The following PTPRG variants were observed in gnomAD, a reference collection of about 807,000 sequenced individuals.
The protein encoded by PTPRG is receptor-type tyrosine-protein phosphatase gamma.
Under a neutral mutation model 165.3 loss-of-function variants are expected in PTPRG, and 102 were observed. That is an observed-to-expected ratio of 0.62 (90% confidence interval 0.53 to 0.73). The LOEUF (loss-of-function observed/expected upper bound fraction) is 0.73, where lower values mean the gene tolerates loss of function less well. PTPRG is among the 30% of genes least tolerant of loss of function. PTPRG has a pLI of 0.00. For synonymous variants in PTPRG, 675 were observed against 669.5 expected, an observed-to-expected ratio of 1.01 and a Z score of -0.13; for missense variants, 1,866 against 1,861.4, an observed-to-expected ratio of 1.00 and a Z score of -0.05.
rs564761041 is a variant in PTPRG, at chr3:62,166,197, C to CTTTTTTT, written c.841-1744_841-1738dup. Among the ~76,000 whole-genome samples the CTTTTTTT allele has an allele frequency of 1.9e-3, 101 of 53,930 alleles. 31 individuals are homozygous for CTTTTTTT. Among genetic ancestry groups the CTTTTTTT allele is most frequent in the Non-Finnish European group, 2.6e-3 (77 of 29,508 alleles). 35.4% of individuals were successfully genotyped at this position (53,930 alleles called of 152,430 possible). ...TGGCTGCATATTTCAAATTACAGTTCTTTTTTTTTTTTTTTTTTTTTTTTT... is the reference window on the plus strand; with the variant it reads ...TGGCTGCATATTTCAAATTACAGTTCTTTTTTTTTTTTTTTTTTTTTTTTTTTTTTTT... On this transcript the variant is annotated intron_variant, in intron 7 of 29. Coordinates refer to ENST00000474889, the MANE Select transcript of PTPRG (RefSeq NM_002841.4).
chr3:62,275,742 C>A, intron 23 of PTPRG, 131 bp from the exon 24 acceptor site: 1 of 652,672 alleles, frequency 1.5e-6, no homozygotes, highest in South Asian at 2.0e-5. Context: ...GACCCTGTGT[C>A]TTAAAAGGTT....
chr3:62,293,077 A>G (rs1702957510), intron 29 of PTPRG, 84 bp from the exon 30 acceptor site: 1 of 1,214,206 alleles, frequency 8.2e-7, no homozygotes, highest in Non-Finnish European at 1.1e-6. Flanking sequence ...GTTTTTCACA[A>G]TTACCATTTT....
chr3:61,610,613 C>G (rs1431981803), intron 1 of PTPRG, among the ~76,000 whole-genome samples: 4 of 152,164 alleles, frequency 2.6e-5, no homozygotes, highest in Admixed American at 2.0e-4. Flanking sequence ...CTTAAGAGCT[C>G]AACACTAATG....
intron 2 of PTPRG, among the ~76,000 whole-genome samples, chr3:61,894,476 G>A (rs1405336180): frequency 2.0e-5 from 3 of 152,090 alleles, no homozygotes; most frequent in Non-Finnish European, 4.4e-5. Flanking sequence ...GAGTTCATTA[G>A]TAATAACAAA....
intron 2 of PTPRG, among the ~76,000 whole-genome samples, chr3:61,930,930 A>G (rs1407166171): frequency 6.6e-6 from 1 of 152,138 alleles, no homozygotes; most frequent in Non-Finnish European, 1.5e-5. Flanking sequence ...TTAGCCGGGC[A>G]TGGTGGCGCA....
intron 16 of PTPRG, among the ~76,000 whole-genome samples, chr3:62,260,040 C>T (rs974244361): frequency 1.2e-4 from 19 of 152,032 alleles, no homozygotes; most frequent in Non-Finnish European, 4.4e-5. Flanking sequence ...CAATTTATAC[C>T]CTGAGCAGGA....
chr3:62,030,051 T>A (rs1430937160), intron 4 of PTPRG, among the ~76,000 whole-genome samples: 1 of 152,202 alleles, frequency 6.6e-6, no homozygotes, highest in Admixed American at 6.5e-5. Flanking sequence ...TTTGCCTCTA[T>A]CATTTGTGTA....
chr3:62,234,619 A>T (rs1319695067), intron 14 of PTPRG, among the ~76,000 whole-genome samples: 1 of 152,080 alleles, frequency 6.6e-6, no homozygotes, highest in Non-Finnish European at 1.5e-5. Context: ...AACTGTTTAT[A>T]TCTTTTGCTT....
At position 62,203,405 on chromosome 3, in the gene PTPRG, G is replaced by A. The variant is rs372963270; in HGVS notation, c.1610G>A (p.Arg537His). 44 of 1,612,010 alleles carry A rather than the reference G, an allele frequency of 2.7e-5. No homozygotes were observed. The highest frequency in any genetic ancestry group is 5.3e-5 in the African/African-American group (4 of 74,850). Residue 537 changes from arginine to histidine, a missense_variant, in exon 12 of 30, where the codon CGC becomes CAC. Physicochemically the swap from Arg to His is conservative, Grantham distance 29. This residue lies in a region of PTPRG where 1,452 missense variants were observed against 1,463.0 expected (regional missense o/e 0.99). Transcript: ENST00000474889. The surrounding 1 kb of genome is among the most constrained non-coding windows in gnomAD (Gnocchi z 6.4). ...SSFPSTVWPT[R>H]LPTAASASKQ... ...TTCCCCAGCACTGTGTGGCCCACGCGCCTCCCGACGGCCGCCTCAGCCAGC... is the reference window on the plus strand; with the variant it reads ...TTCCCCAGCACTGTGTGGCCCACGCACCTCCCGACGGCCGCCTCAGCCAGC...
chr3:61,670,769 G>T (rs1370605206), intron 1 of PTPRG, among the ~76,000 whole-genome samples: 3 of 152,192 alleles, frequency 2.0e-5, no homozygotes, highest in Admixed American at 6.5e-5. Flanking sequence ...TGTCATGGTT[G>T]AGTCTGCTGT....
intron 1 of PTPRG, among the ~76,000 whole-genome samples, chr3:61,717,583 C>T (rs1001841490): frequency 5.5e-4 from 84 of 151,780 alleles, no homozygotes; most frequent in African/African-American, 1.9e-3. Flanking sequence ...GTCAAGAGAT[C>T]GAGACCATCC....
rs564628401 is a variant in PTPRG, at chr3:61,691,750, T to G, written c.86-57128T>G. Among the ~76,000 whole-genome samples the G allele has an allele frequency of 2.6e-5, 4 of 152,356 alleles. No homozygotes were observed. The East Asian group carries it at 7.7e-4, about 29-fold the overall frequency. On this transcript the variant is annotated intron_variant, in intron 1 of 29. Transcript: ENST00000474889. Reference sequence around the variant, plus strand: ...ACAGTGCTTTCCCTGGGGCCACCATTTTGGTTCTCACCAAGAACAGATGGT... The same window carrying G: ...ACAGTGCTTTCCCTGGGGCCACCATGTTGGTTCTCACCAAGAACAGATGGT...
intron 2 of PTPRG, among the ~76,000 whole-genome samples, chr3:61,765,299 G>A (rs562515872): frequency 7.9e-5 from 12 of 152,298 alleles, no homozygotes; most frequent in Non-Finnish European, 1.3e-4. Context: ...ACTTCTGGTC[G>A]TGGTGAAAAG....
chr3:61,889,938 A>T (rs1455418705), intron 2 of PTPRG, among the ~76,000 whole-genome samples: 1 of 152,218 alleles, frequency 6.6e-6, no homozygotes, highest in Admixed American at 6.5e-5. Flanking sequence ...AGAGAAACGG[A>T]TGATGGGGGG....
At chr3:61,819,214 C>T (rs1033157875) in intron 2 of PTPRG, among the ~76,000 whole-genome samples, 2 of 152,086 alleles carry the variant, frequency 1.3e-5, no homozygotes, top group East Asian at 1.9e-4. Context: ...TGGTCTTCAA[C>T]TATGAAGATC....
chr3:61,652,891 A>G (rs928713722), intron 1 of PTPRG, among the ~76,000 whole-genome samples: 1 of 152,300 alleles, frequency 6.6e-6, no homozygotes, highest in East Asian at 1.9e-4. Flanking sequence ...ACTGCCAGCT[A>G]TTTGTCACTG....
At chr3:61,805,812 T>C (rs1461918241) in intron 2 of PTPRG, among the ~76,000 whole-genome samples, 3 of 152,198 alleles carry the variant, frequency 2.0e-5, no homozygotes, top group Non-Finnish European at 4.4e-5. Flanking sequence ...GCAAAACTCA[T>C]GTTTTTTTAG....
intron 2 of PTPRG, among the ~76,000 whole-genome samples, chr3:61,925,030 T>TC (rs1314371072): frequency 1.3e-5 from 2 of 152,132 alleles, no homozygotes; most frequent in African/African-American, 4.8e-5. Flanking sequence ...AACACACTGG[T>TC]CCCCTGATTT....
chr3:62,232,994 A>T (rs137910189), intron 14 of PTPRG, among the ~76,000 whole-genome samples: 139 of 152,328 alleles, frequency 9.1e-4, no homozygotes, highest in African/African-American at 3.0e-3. Flanking sequence ...CTAGAAAATG[A>T]GTCTAATGAT....
Sources: allele counts gnomAD v4.1 joint callset (sites outside exome capture counted in the v4.1 genomes callset), GRCh38; gene constraint gnomAD v4.1.1; regional missense constraint gnomAD v4.1.1; non-coding constraint Gnocchi (gnomAD v3.1); transcripts MANE v1.5; gene names NCBI Gene and HGNC (gene_info 2026-07-23, HGNC 2026-07-21).